Variants in ZNF385D observed in about 807,000 individuals in gnomAD.
ZNF385D encodes the protein zinc finger protein 385D, also known as zinc finger protein 659.
In ZNF385D, 15 loss-of-function variants were observed where a neutral mutation model predicts 35.8. That is an observed-to-expected ratio of 0.42 (90% CI 0.28 to 0.64). The LOEUF (loss-of-function observed/expected upper bound fraction) is 0.64, where lower values mean the gene tolerates loss of function less well. Ranked by LOEUF, ZNF385D falls within the 30% of genes least tolerant of loss-of-function variation. The probability of loss-of-function intolerance (pLI) is 0.23; values close to 1 mark genes in which losing one functional copy is unlikely to be tolerated. For missense variants in ZNF385D, 474 were observed against 494.6 expected (o/e 0.96, Z 0.39); for synonymous variants, 212 against 186.8 (o/e 1.13, Z -1.10).
At chr3:22,311,847 A>T (rs560534745) in intron 2 of ZNF385D, among the ~76,000 whole-genome samples, 2 of 152,168 alleles carry the variant, frequency 1.3e-5, no homozygotes, top group East Asian at 3.9e-4. Context: ...CCATGAAATC[A>T]GAGTTTCTAG....
At chr3:21,492,338 C>A (rs1191337782) in intron 4 of ZNF385D, among the ~76,000 whole-genome samples, 1 of 151,562 alleles carries the variant, frequency 6.6e-6, no homozygotes, top group East Asian at 1.9e-4. Flanking sequence ...TGACAAAGTG[C>A]CCACAAATTG....
intron 2 of ZNF385D, among the ~76,000 whole-genome samples, chr3:22,324,895 A>G (rs1032370487): frequency 6.6e-6 from 1 of 152,180 alleles, no homozygotes; most frequent in African/African-American, 2.4e-5. Context: ...TAGAGCAGCC[A>G]AACTGTCTGG....
intron 1 of ZNF385D, among the ~76,000 whole-genome samples, chr3:21,713,393 T>C (rs2068191622): frequency 6.6e-6 from 1 of 152,150 alleles, no homozygotes; most frequent in Non-Finnish European, 1.5e-5. Context: ...CCCCCTGTAA[T>C]CTGTCATGTG....
intron 3 of ZNF385D, among the ~76,000 whole-genome samples, chr3:22,016,856 T>G (rs1180668554): frequency 2.0e-5 from 3 of 151,968 alleles, no homozygotes; most frequent in Non-Finnish European, 4.4e-5. Flanking sequence ...AGTGGCAAAT[T>G]GTAAAACGCT....
intron 2 of ZNF385D, among the ~76,000 whole-genome samples, chr3:22,332,141 A>C (rs965673580): frequency 1.3e-4 from 20 of 152,190 alleles, no homozygotes; most frequent in African/African-American, 4.8e-4. Context: ...TATTAAGAGG[A>C]GGCCTAACAA....
chr3:21,989,428 G>C (rs1422400863), intron 3 of ZNF385D, among the ~76,000 whole-genome samples: 1 of 152,098 alleles, frequency 6.6e-6, no homozygotes, highest in Non-Finnish European at 1.5e-5. Flanking sequence ...ATGCACTGAT[G>C]CAACAGTCGG....
chr3:22,318,750 T>C (rs796082951), intron 2 of ZNF385D, among the ~76,000 whole-genome samples: 83 of 152,164 alleles, frequency 5.5e-4, no homozygotes, highest in African/African-American at 1.9e-3. Flanking sequence ...CAGAGTATAC[T>C]GGAATGAACA....
intron 3 of ZNF385D, among the ~76,000 whole-genome samples, chr3:21,978,544 TTGTC>T (rs750064349): frequency 1.3e-5 from 2 of 152,242 alleles, no homozygotes; most frequent in Non-Finnish European, 2.9e-5. Flanking sequence ...GCTTAGAAGT[TTGTC>T]TGTGATCTGA....
intron 2 of ZNF385D, among the ~76,000 whole-genome samples, chr3:22,180,745 C>T (rs1439684284): frequency 1.3e-5 from 2 of 152,038 alleles, no homozygotes; most frequent in Non-Finnish European, 2.9e-5. Flanking sequence ...ACGCTTCATG[C>T]TAAAAACTCT....
intron 2 of ZNF385D, among the ~76,000 whole-genome samples, chr3:22,366,476 T>C (rs965039526): frequency 6.6e-5 from 10 of 152,160 alleles, no homozygotes; most frequent in African/African-American, 2.4e-4. Flanking sequence ...ACATCTTTGA[T>C]TCACAATCTG....
intron 3 of ZNF385D, among the ~76,000 whole-genome samples, chr3:21,759,809 T>A (rs181734780): frequency 6.6e-6 from 1 of 152,220 alleles, no homozygotes; most frequent in African/African-American, 2.4e-5. Flanking sequence ...TTCTTCATGA[T>A]AAATTGAGTG....
chr3:22,283,907 TTC>T, intron 2 of ZNF385D, among the ~76,000 whole-genome samples: 1 of 152,268 alleles, frequency 6.6e-6, no homozygotes, highest in Middle Eastern at 3.4e-3. Context: ...GACCCTCAAG[TTC>T]TTTTAGTTCT....
chr3:21,740,664 T>C (rs2069469557), intron 1 of ZNF385D, among the ~76,000 whole-genome samples: 1 of 152,092 alleles, frequency 6.6e-6, no homozygotes, highest in African/African-American at 2.4e-5. Context: ...GAGGAGACAA[T>C]GTGTCGTGGG....
At chr3:21,572,156 G>A (rs1389897822) in intron 2 of ZNF385D, among the ~76,000 whole-genome samples, 1 of 152,106 alleles carries the variant, frequency 6.6e-6, no homozygotes, top group African/African-American at 2.4e-5. Flanking sequence ...AAACCCAGAT[G>A]TAATACAAGA....
chr3:22,173,264 A>C (rs971032722), intron 2 of ZNF385D, among the ~76,000 whole-genome samples: 1 of 152,206 alleles, frequency 6.6e-6, no homozygotes, highest in African/African-American at 2.4e-5. Context: ...GCCTTGAAAT[A>C]AAACATGGAC....
At chr3:22,368,532 C>T (rs959330103) in intron 2 of ZNF385D, among the ~76,000 whole-genome samples, 85 of 152,116 alleles carry the variant, frequency 5.6e-4, no homozygotes, top group Non-Finnish European at 1.1e-3. Context: ...AAACAACAAA[C>T]ATTTGTTTAT....
intron 2 of ZNF385D, among the ~76,000 whole-genome samples, chr3:22,238,000 C>T (rs1225526774): frequency 6.6e-6 from 1 of 150,826 alleles, no homozygotes; most frequent in East Asian, 2.0e-4. Flanking sequence ...AGGTAGGGGT[C>T]CAACTTTATT....
rs61549583 is a variant in ZNF385D, at chr3:21,993,081, C to T, written c.325+175736G>A. ...ATCTAAAAGTTTTCTTATCAACATG[C>T]CAGATACATAACTCTCCTGTAGATT... On this transcript the variant is annotated intron_variant, in intron 3 of 5. Transcript: ENST00000494108. Among the ~76,000 whole-genome samples, 504 of 152,282 alleles carry T rather than the reference C, an allele frequency of 3.3e-3. 4 individuals carry two copies. Among genetic ancestry groups the T allele is most frequent in the African/African-American group, 0.011 (471 of 41,566 alleles).
rs1049098906 is a variant in ZNF385D at position 22,310,150 on chromosome 3, C to A, written c.106+62300G>T. 2.0e-5 allele frequency among the ~76,000 whole-genome samples: 3 copies of A among 151,942 alleles called. No individual in the cohort carries two copies. In the East Asian group the frequency reaches 5.8e-4, roughly 29 times the overall value. The stretch of plus-strand genomic sequence containing the variant: ...TTGTGATCATTGACCAATTTGGTGA[C>A]ATTATAGCATAAAGGTTAAAAGGAG... On this transcript the variant is annotated intron_variant, in intron 2 of 5. Coordinates refer to the ZNF385D transcript ENST00000494108.
Sources: gnomAD v4.1 joint callset for allele counts (sites outside exome capture counted in the v4.1 genomes callset) on GRCh38, gnomAD v4.1.1 for gene constraint, MANE v1.5 for transcripts, NCBI Gene and HGNC (gene_info 2026-07-23, HGNC 2026-07-21) for gene names.